The following MAGI2 variants were observed in gnomAD, a reference collection of about 807,000 sequenced individuals.
MAGI2 encodes the protein membrane associated guanylate kinase, WW and PDZ domain containing 2.
A neutral mutation model predicts 133.3 loss-of-function variants in MAGI2; 35 were observed. The ratio of observed to expected loss-of-function variants is 0.26; its 90% CI spans 0.20 to 0.35. The LOEUF is 0.35. Among genes scored for constraint, MAGI2 ranks in the 10% least tolerant of loss-of-function variants. The pLI is 1.00. For missense variants in MAGI2, 1,636 were observed against 1,863.4 expected, an observed-to-expected ratio of 0.88 and a Z score of 2.25; for synonymous variants, 729 against 710.6, an observed-to-expected ratio of 1.03 and a Z score of -0.41.
At chr7:78,823,158 T>C (rs1790272475) in intron 2 of MAGI2, among the ~76,000 whole-genome samples, 1 of 152,192 alleles carries the variant, frequency 6.6e-6, no homozygotes, top group Non-Finnish European at 1.5e-5. Flanking sequence ...AGGATCTTAT[T>C]TTAAATAGAT....
intron 1 of MAGI2, among the ~76,000 whole-genome samples, chr7:79,342,026 A>G (rs185649257): frequency 1.4e-3 from 215 of 152,320 alleles, no homozygotes; most frequent in African/African-American, 5.0e-3. Context: ...GAACTTGTCC[A>G]TCACCTTTCT....
At chr7:78,656,853 C>T (rs1163105393) in intron 2 of MAGI2, among the ~76,000 whole-genome samples, 2 of 151,506 alleles carry the variant, frequency 1.3e-5, no homozygotes, top group African/African-American at 4.8e-5. Flanking sequence ...ATGCAAAAAA[C>T]ACTGTCAAGA....
At chr7:78,639,538 G>A (rs146723435) in intron 2 of MAGI2, among the ~76,000 whole-genome samples, 128 of 152,154 alleles carry the variant, frequency 8.4e-4, no homozygotes, top group Admixed American at 1.5e-3. Flanking sequence ...CACGATACTA[G>A]CTATTATATT....
chr7:79,275,811 G>A lies in MAGI2; in HGVS notation c.301+177209C>T, dbSNP rs541391591. On this transcript the variant is annotated intron_variant, in intron 1 of 21. Coordinates refer to ENST00000354212, the MANE Select transcript of MAGI2 (RefSeq NM_012301.4). ...GGGCCCTTAAGAATGATGCTAAATC[G>A]ACTCTGCCTGTGTTCTATTAGTGGA... Among the ~76,000 whole-genome samples the A allele has an allele frequency of 1.4e-4, 21 of 152,162 alleles. No homozygotes were observed. In the South Asian group the frequency reaches 3.9e-3, roughly 29 times the overall value.
At chr7:78,661,409 T>C (rs114849697) in intron 2 of MAGI2, among the ~76,000 whole-genome samples, 312 of 152,312 alleles carry the variant, frequency 2.0e-3, no homozygotes, top group African/African-American at 7.0e-3. Context: ...GATACAAAAC[T>C]CTTCAGGTCC....
chr7:78,548,679 G>A (rs1799078629), intron 3 of MAGI2, among the ~76,000 whole-genome samples: 1 of 152,136 alleles, frequency 6.6e-6, no homozygotes. Context: ...TGGGTGACAA[G>A]AGTGAAACTC....
chr7:78,476,933 T>G (rs191975703), intron 6 of MAGI2, among the ~76,000 whole-genome samples: 2 of 152,126 alleles, frequency 1.3e-5, no homozygotes, highest in East Asian at 3.9e-4. Flanking sequence ...TGGAATGCAC[T>G]GTTTTATGAT....
intron 21 of MAGI2, among the ~76,000 whole-genome samples, chr7:78,041,262 A>G (rs3779334): frequency 0.12 from 17,912 of 152,208 alleles, 1,228 homozygotes; most frequent in South Asian, 0.17. Flanking sequence ...CACAGAAAGG[A>G]TTCTTTCAAA....
chr7:78,030,944 A>G (rs1404808980), intron 21 of MAGI2, among the ~76,000 whole-genome samples: 1 of 152,230 alleles, frequency 6.6e-6, no homozygotes, highest in Non-Finnish European at 1.5e-5. Context: ...GACTTTATTC[A>G]TAATCACCAA....
At chr7:78,811,016 A>G (rs1295393654) in intron 2 of MAGI2, among the ~76,000 whole-genome samples, 4 of 152,032 alleles carry the variant, frequency 2.6e-5, no homozygotes, top group Admixed American at 2.0e-4. Flanking sequence ...GAAATCTTGT[A>G]GTACTTTGTT....
intron 1 of MAGI2, among the ~76,000 whole-genome samples, chr7:79,093,850 G>T (rs1480123630): frequency 6.6e-6 from 1 of 151,696 alleles, no homozygotes; most frequent in Non-Finnish European, 1.5e-5. Context: ...AAATAGCTGG[G>T]ACTACAGGTG....
chr7:78,878,262 C>A lies in MAGI2; in HGVS notation c.418+128828G>T, dbSNP rs1022379052. On this transcript the variant is annotated intron_variant, in intron 2 of 21. Transcript: ENST00000354212. ...CTCTCATACTTAGAAAAAACCTGTG[C>A]TTGGTTTCATACTCTTCTATTGCTC... Among the ~76,000 whole-genome samples, 3 of 152,144 alleles carry A rather than the reference C, an allele frequency of 2.0e-5. No homozygotes were observed. The East Asian group carries it at 5.8e-4, about 29-fold the overall frequency.
At chr7:78,088,784 G>A (rs1050568502) in intron 20 of MAGI2, among the ~76,000 whole-genome samples, 2 of 152,194 alleles carry the variant, frequency 1.3e-5, no homozygotes, top group African/African-American at 4.8e-5. Context: ...CCCATCCCCA[G>A]ATGTCCACCT....
At chr7:79,392,768 G>A (rs754092994) in intron 1 of MAGI2, among the ~76,000 whole-genome samples, 18 of 151,968 alleles carry the variant, frequency 1.2e-4, no homozygotes, top group Non-Finnish European at 2.1e-4. Context: ...CCTTATGAGG[G>A]CCTAATTCTG....
intron 6 of MAGI2, among the ~76,000 whole-genome samples, chr7:78,427,565 C>G (rs1330996850): frequency 6.6e-6 from 1 of 150,522 alleles, no homozygotes; most frequent in Non-Finnish European, 1.5e-5. Context: ...ACTGCATGAC[C>G]CAAAATGAAC....
At chr7:78,554,970 A>T (rs1799657630) in intron 3 of MAGI2, among the ~76,000 whole-genome samples, 1 of 151,720 alleles carries the variant, frequency 6.6e-6, no homozygotes, top group African/African-American at 2.4e-5. Flanking sequence ...AGATGGTGAA[A>T]CCTCATGTCT....
chr7:79,043,980 C>T (rs1372608702), intron 1 of MAGI2, among the ~76,000 whole-genome samples: 3 of 151,440 alleles, frequency 2.0e-5, no homozygotes, highest in Admixed American at 6.6e-5. Flanking sequence ...GGATTCACAG[C>T]CAAATTCTAC....
chr7:78,423,894 T>C (rs762919744), intron 6 of MAGI2, among the ~76,000 whole-genome samples: 1 of 152,140 alleles, frequency 6.6e-6, no homozygotes, highest in Non-Finnish European at 1.5e-5. Flanking sequence ...TTCAGTTTTA[T>C]AAGGGAAGCA....
At chr7:78,901,694 G>C (rs953395486) in intron 2 of MAGI2, among the ~76,000 whole-genome samples, 58 of 152,038 alleles carry the variant, frequency 3.8e-4, no homozygotes, top group African/African-American at 1.4e-3. Flanking sequence ...TAAGTAAAAG[G>C]GCTTCTATTC....
Sources: allele counts gnomAD v4.1 joint callset (sites outside exome capture counted in the v4.1 genomes callset), GRCh38; gene constraint gnomAD v4.1.1; transcripts MANE v1.5; gene names NCBI Gene and HGNC (gene_info 2026-07-23, HGNC 2026-07-21).